BMPR2: variants seen among roughly 807,000 people sequenced by gnomAD.
BMPR2 encodes bone morphogenetic protein receptor type-2.
In BMPR2, 29 loss-of-function variants were observed where a neutral mutation model predicts 100.8. That is an observed-to-expected ratio of 0.29 (90% CI 0.21 to 0.39). The LOEUF (loss-of-function observed/expected upper bound fraction) is 0.39. Ranked by LOEUF, BMPR2 falls within the 10% of genes least tolerant of loss-of-function variation. The probability of loss-of-function intolerance (pLI) is 1.00; values close to 1 mark genes in which losing one functional copy is unlikely to be tolerated. For missense variants in BMPR2, 1,011 were observed against 1,274.5 expected (o/e 0.79, Z 3.15); for synonymous variants, 382 against 442.3 (o/e 0.86, Z 1.71).
At chr2:202,385,411 G>A (rs1159470336) in intron 1 of BMPR2, among the ~76,000 whole-genome samples, 1 of 134,128 alleles carries the variant, frequency 7.5e-6, no homozygotes, top group Non-Finnish European at 1.5e-5. Flanking sequence ...TGTTGCCCAG[G>A]TGGGAGTACA....
intron 1 of BMPR2, among the ~76,000 whole-genome samples, chr2:202,445,855 ACTT>A (rs1691838661): frequency 6.8e-6 from 1 of 146,522 alleles, no homozygotes. Flanking sequence ...GCTCACTGCA[ACTT>A]CCGCCTCCTA....
At chr2:202,538,470 A>T (rs1688206316) in intron 9 of BMPR2, among the ~76,000 whole-genome samples, 1 of 151,484 alleles carries the variant, frequency 6.6e-6, no homozygotes, top group African/African-American at 2.4e-5. Flanking sequence ...AAGAAAAAAA[A>T]GAAGGAACTA....
rs1687413037 is a variant in BMPR2 at position 202,502,412 on chromosome 2, G to GA, written c.419-11305dup. Among the ~76,000 whole-genome samples the GA allele has an allele frequency of 2.6e-5, 4 of 152,090 alleles. No individual in the cohort carries two copies. In the South Asian group the frequency reaches 8.3e-4, roughly 32 times the overall value. On this transcript the variant is annotated intron_variant, in intron 3 of 12. Coordinates refer to ENST00000374580, the MANE Select transcript of BMPR2 (RefSeq NM_001204.7). ...GAAGAGACAAAGAAGTCAGAAAGAG[G>GA]AACAGACACAGAAAGAGAGTTAAAA...
chr2:202,511,825 A>G (rs1474046016), intron 3 of BMPR2, among the ~76,000 whole-genome samples: 1 of 151,990 alleles, frequency 6.6e-6, no homozygotes, highest in African/African-American at 2.4e-5. Flanking sequence ...TTCAAGACCG[A>G]TCTGGTTAAC....
intron 1 of BMPR2, among the ~76,000 whole-genome samples, chr2:202,449,039 T>TG (rs1223876523): frequency 2.2e-5 from 3 of 137,554 alleles, no homozygotes; most frequent in Non-Finnish European, 3.1e-5. Flanking sequence ...AGGCCTGGGG[T>TG]GGGGGTGGCA....
chr2:202,491,836 A>G (rs1047838874), intron 3 of BMPR2, among the ~76,000 whole-genome samples: 1 of 152,222 alleles, frequency 6.6e-6, no homozygotes, highest in Admixed American at 6.5e-5. Context: ...AACAAAATTA[A>G]AGTCCTAAAT....
intron 1 of BMPR2, among the ~76,000 whole-genome samples, chr2:202,380,389 C>G (rs921923507): frequency 1.2e-4 from 19 of 152,068 alleles, no homozygotes; most frequent in Admixed American, 2.0e-4. Context: ...TAAGATTAAT[C>G]TAATGTTAGT....
chr2:202,469,558 C>A (rs1368446567), intron 3 of BMPR2: 4 of 277,456 alleles, frequency 1.4e-5, no homozygotes, highest in South Asian at 3.3e-5. Flanking sequence ...CGGCTCACTG[C>A]AACGTCCACC....
At chr2:202,546,114 A>G (rs1490823872) in intron 10 of BMPR2, among the ~76,000 whole-genome samples, 1 of 152,226 alleles carries the variant, frequency 6.6e-6, no homozygotes, top group Non-Finnish European at 1.5e-5. Flanking sequence ...GTTGCCAAGT[A>G]AGGAATTCAT....
chr2:202,503,245 C>T lies in BMPR2; in HGVS notation c.419-10474C>T, dbSNP rs1687441126. On this transcript the variant is annotated intron_variant, in intron 3 of 12. Transcript: ENST00000374580. The surrounding 1 kb of genome is among the most constrained non-coding windows in gnomAD (Gnocchi z 4.0). Reference sequence around the variant, plus strand: ...GCTGGCAGTCCTCACAGCCCTCGCTCACTCTCAGCGCCTCTGCCTGGGCTC... The same window carrying T: ...GCTGGCAGTCCTCACAGCCCTCGCTTACTCTCAGCGCCTCTGCCTGGGCTC... Among the ~76,000 whole-genome samples the T allele has an allele frequency of 1.3e-5, 2 of 152,260 alleles. No individual in the cohort carries two copies. The highest frequency in any genetic ancestry group is 2.9e-5 in the Non-Finnish European group (2 of 68,048).
At chr2:202,381,739 AAAATGATAT>A (rs1690298078) in intron 1 of BMPR2, among the ~76,000 whole-genome samples, 1 of 152,208 alleles carries the variant, frequency 6.6e-6, no homozygotes, top group African/African-American at 2.4e-5. Context: ...TTTTTGCATT[AAAATGATAT>A]AAACTTTGGT....
chr2:202,506,682 C>T (rs916296545), intron 3 of BMPR2, among the ~76,000 whole-genome samples: 3 of 151,890 alleles, frequency 2.0e-5, no homozygotes, highest in East Asian at 1.9e-4. Context: ...GGGTGGATTA[C>T]GAGGTCAGGA....
At chr2:202,389,691 G>T (rs1337062835) in intron 1 of BMPR2, among the ~76,000 whole-genome samples, 1 of 150,650 alleles carries the variant, frequency 6.6e-6, no homozygotes, top group East Asian at 2.0e-4. Flanking sequence ...GTCCAGGCTG[G>T]AGTGCCATGG....
At chr2:202,475,931 G>A (rs1484420108) in intron 3 of BMPR2, among the ~76,000 whole-genome samples, 8 of 151,856 alleles carry the variant, frequency 5.3e-5, no homozygotes, top group Non-Finnish European at 7.4e-5. Context: ...AAAATTAGCC[G>A]GGCGTGGTGG....
chr2:202,437,850 C>G (rs1414911639), intron 1 of BMPR2, among the ~76,000 whole-genome samples: 1 of 150,590 alleles, frequency 6.6e-6, no homozygotes, highest in African/African-American at 2.5e-5. Context: ...ACTGCATTTC[C>G]TTTATCCTTT....
chr2:202,441,717 C>CAA (rs33963123), intron 1 of BMPR2, among the ~76,000 whole-genome samples: 8,360 of 43,612 alleles, frequency 0.19, 812 homozygotes, highest in Non-Finnish European at 0.24. Flanking sequence ...GACTCCGTCT[C>CAA]AAAAAAAAAA....
intron 9 of BMPR2, among the ~76,000 whole-genome samples, chr2:202,535,455 G>C (rs1299851034): frequency 6.6e-6 from 1 of 151,258 alleles, no homozygotes; most frequent in Non-Finnish European, 1.5e-5. Flanking sequence ...CGGGGCGGCG[G>C]GGCAGAGGCG....
rs1181229772 is a variant in BMPR2, at chr2:202,402,351, T to C, written c.76+24801T>C. Among the ~76,000 whole-genome samples, 3 of 152,048 alleles carry C rather than the reference T, an allele frequency of 2.0e-5. No individual in the cohort carries two copies. In the East Asian group the frequency reaches 5.8e-4, roughly 30 times the overall value. On this transcript the variant is annotated intron_variant, in intron 1 of 12. Transcript: ENST00000374580. ...GACCAACATGGTGAAACCCTGTCTC[T>C]ACTAAAAATATAAAAAGTTAGCCGG...
chr2:202,534,560 A>G (rs1263680357), intron 9 of BMPR2, among the ~76,000 whole-genome samples: 1 of 152,220 alleles, frequency 6.6e-6, no homozygotes, highest in African/African-American at 2.4e-5. Flanking sequence ...CATGTTTCAG[A>G]GAGCACAGGG....
Sources: gnomAD v4.1 joint callset for allele counts (sites outside exome capture counted in the v4.1 genomes callset) on GRCh38, gnomAD v4.1.1 for gene constraint, Gnocchi (gnomAD v3.1) non-coding constraint, MANE v1.5 for transcripts, NCBI Gene and HGNC (gene_info 2026-07-23, HGNC 2026-07-21) for gene names.